SLC25A28: variants seen among roughly 807,000 people sequenced by gnomAD.
The protein encoded by SLC25A28 is solute carrier family 25 member 28.
A neutral mutation model predicts 31.9 loss-of-function variants in SLC25A28; 10 were observed. That is an observed-to-expected ratio of 0.31 (90% CI 0.19 to 0.53). SLC25A28 has a LOEUF of 0.53. Ranked by LOEUF, SLC25A28 falls within the 20% of genes least tolerant of loss-of-function variation. The pLI is 0.95. For synonymous variants in SLC25A28, 208 were observed against 203.6 expected (o/e 1.02, Z -0.19); for missense variants, 256 against 490.3 (o/e 0.52, Z 4.51).
chr10:99,624,857 A>T (rs2034854759), upstream of SLC25A28, among the ~76,000 whole-genome samples: 1 of 151,958 alleles, frequency 6.6e-6, no homozygotes, highest in Admixed American at 6.6e-5. Context: ...GTAGGCAAGG[A>T]ACTTTATTGG....
the SLC25A28 span, among the ~76,000 whole-genome samples, chr10:99,631,978 G>A: frequency 1.6e-5 from 2 of 126,784 alleles, no homozygotes; most frequent in African/African-American, 5.9e-5. Context: ...CTCACTGCAA[G>A]CTCCGCCTCC....
the SLC25A28 span, among the ~76,000 whole-genome samples, chr10:99,656,614 T>C: frequency 6.6e-6 from 1 of 151,798 alleles, no homozygotes; most frequent in Non-Finnish European, 1.5e-5. Context: ...TGGGATGGAG[T>C]GTGGAGGGAA....
chr10:99,619,262 A>G, intron 1 of SLC25A28: 1 of 985,388 alleles, frequency 1.0e-6, no homozygotes, highest in Non-Finnish European at 1.2e-6. Flanking sequence ...TAATACCGTC[A>G]CACTTCCTTT....
At chr10:99,651,594 C>CTTT in the SLC25A28 span, among the ~76,000 whole-genome samples, 14,498 of 110,132 alleles carry the variant, frequency 0.13, 1,588 homozygotes, top group East Asian at 0.31. Context: ...TTTTTCTTTT[C>CTTT]TTTTTTTTTT....
At chr10:99,615,593 A>T in intron 1 of SLC25A28, 8 of 985,460 alleles carry the variant, frequency 8.1e-6, no homozygotes, top group Non-Finnish European at 9.6e-6. Flanking sequence ...AGTATCACTT[A>T]TCACAATTTG....
intron 1 of SLC25A28, chr10:99,618,686 T>G: frequency 1.0e-6 from 1 of 985,496 alleles, no homozygotes; most frequent in African/African-American, 1.7e-5. Flanking sequence ...TTACCCCGTT[T>G]TCAATGGATA....
At position 99,610,654 on chromosome 10, in the gene SLC25A28, G is replaced by T; in HGVS notation, c.*195C>A. The T allele has an allele frequency of 1.6e-6, 1 of 631,362 alleles. No individual in the cohort carries two copies. The highest frequency in any genetic ancestry group is 2.7e-6 in the Non-Finnish European group (1 of 366,136). 39.1% of individuals were successfully genotyped at this position (631,362 alleles called of 1,614,324 possible). A position where few individuals can be genotyped will look rare whatever the true frequency, so the allele number is the denominator to read the frequency against. ...TGCTGTGGTGTGCTTTGCTGCACGT[G>T]CTTAGGGCCTGGAAGGAAAGGTGGT... is the stretch of plus-strand genomic sequence containing the variant. On this transcript the variant is annotated 3_prime_UTR_variant, in exon 4 of 4. Coordinates refer to ENST00000370495, the MANE Select transcript of SLC25A28 (RefSeq NM_031212.4).
chr10:99,618,935 C>T (rs1431230092), intron 1 of SLC25A28: 2 of 985,290 alleles, frequency 2.0e-6, no homozygotes, highest in African/African-American at 3.5e-5. Context: ...CAAAAAGCTG[C>T]CAGGTCACTG....
the SLC25A28 span, among the ~76,000 whole-genome samples, chr10:99,639,654 C>T: frequency 6.6e-6 from 1 of 151,324 alleles, no homozygotes; most frequent in Non-Finnish European, 1.5e-5. Context: ...CCCCCCCATC[C>T]CCCTACTCCG....
upstream of SLC25A28, among the ~76,000 whole-genome samples, chr10:99,622,402 T>C (rs2034812336): frequency 6.6e-6 from 1 of 152,208 alleles, no homozygotes; most frequent in South Asian, 2.1e-4. Flanking sequence ...CATATTTAGC[T>C]TGAGAAATGA....
chr10:99,626,719 A>G, the SLC25A28 span, among the ~76,000 whole-genome samples: 1 of 152,184 alleles, frequency 6.6e-6, no homozygotes, highest in East Asian at 1.9e-4. Flanking sequence ...CATGGCTTTA[A>G]GAATGGAAAT....
the SLC25A28 span, among the ~76,000 whole-genome samples, chr10:99,646,060 G>T: frequency 1.5e-4 from 23 of 152,318 alleles, no homozygotes; most frequent in East Asian, 4.1e-3. Context: ...CAAACTCCAT[G>T]CTGGGAGAAC....
At chr10:99,642,309 A>G in the SLC25A28 span, among the ~76,000 whole-genome samples, 1 of 151,214 alleles carries the variant, frequency 6.6e-6, no homozygotes, top group Middle Eastern at 3.4e-3. Context: ...ATTCCTAGGT[A>G]TTTTATTCTC....
upstream of SLC25A28, among the ~76,000 whole-genome samples, chr10:99,624,539 T>A (rs1040985876): frequency 6.6e-6 from 1 of 152,092 alleles, no homozygotes; most frequent in Admixed American, 6.6e-5. Flanking sequence ...CCTAAAAAAT[T>A]ATAAAAGTAA....
chr10:99,633,568 A>C, the SLC25A28 span, among the ~76,000 whole-genome samples: 1 of 151,266 alleles, frequency 6.6e-6, no homozygotes, highest in South Asian at 2.1e-4. Context: ...GTGCTGGTGC[A>C]TGCCTGTAAT....
At chr10:99,623,520 T>G (rs755907941), upstream of SLC25A28, among the ~76,000 whole-genome samples, 2 of 152,212 alleles carry the variant, frequency 1.3e-5, no homozygotes, top group African/African-American at 4.8e-5. Flanking sequence ...TCCTTCGTAT[T>G]GATATACTTT....
chr10:99,656,249 T>C, the SLC25A28 span, among the ~76,000 whole-genome samples: 1 of 152,138 alleles, frequency 6.6e-6, no homozygotes, highest in Non-Finnish European at 1.5e-5. Flanking sequence ...GGGGCATGGG[T>C]CTGGGGGCAG....
chr10:99,629,305 A>C, the SLC25A28 span, among the ~76,000 whole-genome samples: 12 of 152,322 alleles, frequency 7.9e-5, no homozygotes, highest in East Asian at 2.3e-3. Flanking sequence ...GGCCCTCCTC[A>C]GAAGCTGGGG....
Position 99,613,604 on chromosome 10 carries a change from G to A in SLC25A28, c.520+92C>T, listed in dbSNP as rs1435040975. Reference sequence around the variant, plus strand: ...TGGCCTATCCCAGCCCAAAGCTTCAGCTCCAAACCATGCTGAGACTGGAAA... The same window carrying A: ...TGGCCTATCCCAGCCCAAAGCTTCAACTCCAAACCATGCTGAGACTGGAAA... On this transcript the variant is annotated intron_variant, in intron 2 of 3. Transcript: ENST00000370495. This position sits in a 1 kb window ranked among gnomAD's most constrained non-coding sequence, Gnocchi z 4.9. The A allele has an allele frequency of 1.9e-6, 3 of 1,590,716 alleles. No homozygotes were observed. Among genetic ancestry groups the A allele is most frequent in the Non-Finnish European group, 1.7e-6 (2 of 1,168,720 alleles).
Sources: gnomAD v4.1 joint callset for allele counts (sites outside exome capture counted in the v4.1 genomes callset) on GRCh38, gnomAD v4.1.1 for gene constraint, Gnocchi (gnomAD v3.1) non-coding constraint, MANE v1.5 for transcripts, NCBI Gene and HGNC (gene_info 2026-07-23, HGNC 2026-07-21) for gene names.